LARGE1: variants seen among roughly 807,000 people sequenced by gnomAD.
LARGE1 encodes the protein xylosyl- and glucuronyltransferase LARGE1.
In LARGE1, 43 loss-of-function variants were observed where a neutral mutation model predicts 87.6. The observed-to-expected ratio is 0.49, with a 90% confidence interval of 0.38 to 0.63. The LOEUF is 0.63. Ranked by LOEUF, LARGE1 falls within the 30% of genes least tolerant of loss-of-function variation. LARGE1 has a pLI of 0.00. For missense variants in LARGE1, 802 were observed against 1,000.2 expected (o/e 0.80, Z 2.67); for synonymous variants, 434 against 394.6 (o/e 1.10, Z -1.18).
At chr22:33,528,213 T>C (rs1483431124) in intron 6 of LARGE1, among the ~76,000 whole-genome samples, 1 of 151,962 alleles carries the variant, frequency 6.6e-6, no homozygotes, top group Admixed American at 6.6e-5. Context: ...AATGATGAAG[T>C]TCATAAATTT....
intron 10 of LARGE1, among the ~76,000 whole-genome samples, chr22:33,329,185 G>C (rs866003757): frequency 6.6e-6 from 1 of 152,162 alleles, no homozygotes; most frequent in Non-Finnish European, 1.5e-5. Context: ...TTTTGAGGAG[G>C]ATAAAGAAGC....
chr22:33,422,657 A>G (rs1246854611), intron 7 of LARGE1, among the ~76,000 whole-genome samples: 1 of 152,056 alleles, frequency 6.6e-6, no homozygotes, highest in Non-Finnish European at 1.5e-5. Flanking sequence ...TCACAGGTGC[A>G]TGCCACCACG....
chr22:33,596,311 A>T (rs1338103546), intron 5 of LARGE1, among the ~76,000 whole-genome samples: 1 of 152,240 alleles, frequency 6.6e-6, no homozygotes, highest in Non-Finnish European at 1.5e-5. Flanking sequence ...TCAGTCTTAT[A>T]AATACACAAA....
At chr22:33,307,348 A>C (rs1396958236) in intron 11 of LARGE1, among the ~76,000 whole-genome samples, 1 of 152,090 alleles carries the variant, frequency 6.6e-6, no homozygotes, top group Non-Finnish European at 1.5e-5. Flanking sequence ...GGTCTACCTC[A>C]CCCCAAAGCC....
the LARGE1 span, among the ~76,000 whole-genome samples, chr22:33,096,562 TTTTG>T: frequency 1.7e-5 from 1 of 57,150 alleles, no homozygotes; most frequent in East Asian, 6.7e-4. Flanking sequence ...TTGTTTTTGT[TTTTG>T]TTTTTTTTTT....
At chr22:33,211,318 C>A (rs5994697) in intron 11 of LARGE1, among the ~76,000 whole-genome samples, 60,849 of 151,954 alleles carry the variant, frequency 0.4, 12,965 homozygotes, top group African/African-American at 0.56. Context: ...CTAAGTGTTC[C>A]AGTGAAAGGA....
chr22:33,889,178 C>T (rs151307352), intron 1 of LARGE1: 128 of 139,752 alleles, frequency 9.2e-4, no homozygotes, highest in African/African-American at 2.9e-3. Flanking sequence ...CTTTTAATTT[C>T]GTGAGCTTTT....
At chr22:33,207,857 C>A (rs933172952) in intron 11 of LARGE1, among the ~76,000 whole-genome samples, 1 of 151,972 alleles carries the variant, frequency 6.6e-6, no homozygotes, top group African/African-American at 2.4e-5. Flanking sequence ...GGGTGGGGAG[C>A]GGGCCCCATT....
At chr22:33,639,180 A>G (rs568721554) in intron 3 of LARGE1, among the ~76,000 whole-genome samples, 17 of 152,342 alleles carry the variant, frequency 1.1e-4, no homozygotes, top group Non-Finnish European at 2.4e-4. Context: ...TAGAGCTGCC[A>G]TGCTGTGAGG....
intron 6 of LARGE1, among the ~76,000 whole-genome samples, chr22:33,552,231 G>C (rs192716840): frequency 2.0e-4 from 31 of 152,230 alleles, no homozygotes; most frequent in African/African-American, 6.0e-4. Context: ...AGGCTTCCTG[G>C]AGTTCTGGAT....
chr22:33,815,481 C>A (rs2086622934), intron 1 of LARGE1, among the ~76,000 whole-genome samples: 1 of 152,176 alleles, frequency 6.6e-6, no homozygotes, highest in Admixed American at 6.5e-5. Context: ...AATGTGCCAT[C>A]AGAGAAAAAG....
intron 6 of LARGE1, among the ~76,000 whole-genome samples, chr22:33,539,358 C>A (rs532837800): frequency 6.6e-6 from 1 of 152,124 alleles, no homozygotes; most frequent in African/African-American, 2.4e-5. Flanking sequence ...GCACTTCACA[C>A]TCATCTTATC....
intron 2 of LARGE1, among the ~76,000 whole-genome samples, chr22:33,679,799 G>A (rs978799115): frequency 6.6e-6 from 1 of 152,116 alleles, no homozygotes; most frequent in African/African-American, 2.4e-5. Context: ...CCGAGATCGT[G>A]CCACTGCACT....
chr22:33,169,294 T>A (rs1306596941), intron 11 of LARGE1, among the ~76,000 whole-genome samples: 1 of 152,122 alleles, frequency 6.6e-6, no homozygotes, highest in East Asian at 1.9e-4. Context: ...CATCTTCCCA[T>A]GTGGGCCCTA....
intron 11 of LARGE1, among the ~76,000 whole-genome samples, chr22:33,254,144 C>A (rs1391614475): frequency 6.6e-6 from 1 of 152,080 alleles, no homozygotes; most frequent in African/African-American, 2.4e-5. Flanking sequence ...GACTCAAAGG[C>A]AGGCCAAGGA....
intron 6 of LARGE1, among the ~76,000 whole-genome samples, chr22:33,531,218 C>T (rs1251051550): frequency 2.6e-5 from 4 of 152,124 alleles, no homozygotes; most frequent in South Asian, 2.1e-4. Flanking sequence ...AGTGCAATGG[C>T]GCGATCTCGG....
At chr22:33,129,052 C>G in the LARGE1 span, among the ~76,000 whole-genome samples, 10 of 152,120 alleles carry the variant, frequency 6.6e-5, no homozygotes, top group African/African-American at 1.9e-4. Context: ...ATGTAGCAAG[C>G]CTGCATATCC....
At chr22:33,576,681 G>A (rs1156321014) in intron 5 of LARGE1, among the ~76,000 whole-genome samples, 22 of 152,090 alleles carry the variant, frequency 1.4e-4, no homozygotes, top group African/African-American at 5.3e-4. Flanking sequence ...TATCTGTGGA[G>A]GATTGGTTCC....
At chr22:33,441,378 T>G (rs942297765) in intron 6 of LARGE1, among the ~76,000 whole-genome samples, 2 of 152,136 alleles carry the variant, frequency 1.3e-5, no homozygotes, top group Middle Eastern at 3.4e-3. Flanking sequence ...CCAGCCTCTT[T>G]GAACTTTAAT....
Sources: allele counts gnomAD v4.1 joint callset (sites outside exome capture counted in the v4.1 genomes callset), GRCh38; gene constraint gnomAD v4.1.1; transcripts MANE v1.5; gene names NCBI Gene and HGNC (gene_info 2026-07-23, HGNC 2026-07-21).